AEBP2: variants seen among roughly 807,000 people sequenced by gnomAD.
AEBP2 encodes the protein zinc finger protein AEBP2.
AEBP2 carries 10 observed loss-of-function variants against 50.8 expected under a neutral mutation model. The ratio of observed to expected loss-of-function variants is 0.20; its 90% CI spans 0.12 to 0.33. The LOEUF is 0.33. AEBP2 is among the 10% of genes least tolerant of loss of function. The pLI is 1.00. For missense variants in AEBP2, 570 were observed against 688.0 expected (o/e 0.83, Z 1.92); for synonymous variants, 296 against 261.3 (o/e 1.13, Z -1.28).
chr12:19,461,874 T>A (rs1017686494), intron 1 of AEBP2, among the ~76,000 whole-genome samples: 3 of 152,182 alleles, frequency 2.0e-5, no homozygotes, highest in African/African-American at 7.2e-5. Flanking sequence ...TCTTTTTTTT[T>A]ATGGCTAGAG....
chr12:19,469,831 G>A (rs1286342340), intron 2 of AEBP2, among the ~76,000 whole-genome samples: 1 of 152,136 alleles, frequency 6.6e-6, no homozygotes, highest in East Asian at 1.9e-4. Context: ...TGGGACCCCT[G>A]TGTCTTATTC....
upstream of AEBP2, among the ~76,000 whole-genome samples, chr12:19,438,644 AAAAC>A (rs1718077474): frequency 6.6e-6 from 1 of 152,262 alleles, no homozygotes; most frequent in South Asian, 2.1e-4. Flanking sequence ...GAAAATATAA[AAAAC>A]AACCCAGATA....
In AEBP2 at chr12:19,503,674, T is replaced by TG. The variant is rs200649236; in HGVS notation, c.1299+3456dup. 5.3e-3 allele frequency among the ~76,000 whole-genome samples: 802 copies of TG among 151,828 alleles called. 5 individuals are homozygous for TG. The highest frequency in any genetic ancestry group is 0.018 in the African/African-American group (763 of 41,352). Reference sequence around the variant, plus strand: ...TAGGAATGGTGAGAGGAGACATCCTTGGGTTTTTTTTTTTTTAAACATTTA... The same window carrying TG: ...TAGGAATGGTGAGAGGAGACATCCTTGGGGTTTTTTTTTTTTTAAACATTTA... On this transcript the variant is annotated intron_variant, in intron 5 of 7. Coordinates refer to ENST00000266508, the MANE Select transcript of AEBP2 (RefSeq NM_153207.5).
intron 1 of AEBP2, among the ~76,000 whole-genome samples, chr12:19,412,405 G>C: frequency 6.6e-6 from 1 of 151,850 alleles, no homozygotes. Context: ...AGCCTCCCGA[G>C]TAGCTGGGAC....
Position 19,520,331 on chromosome 12 carries a change from A to G in AEBP2, c.*2214A>G, listed in dbSNP as rs961781484. The G allele has an allele frequency of 6.6e-6, 1 of 152,214 alleles. No individual in the cohort carries two copies. Among genetic ancestry groups the G allele is most frequent in the Non-Finnish European group, 1.5e-5 (1 of 68,018 alleles). The allele number at this position is 152,214 out of a possible 1,614,324, so 9.4% of individuals were successfully genotyped here. A position where few individuals can be genotyped will look rare whatever the true frequency, so the allele number is the denominator to read the frequency against. On this transcript the variant is annotated 3_prime_UTR_variant, in exon 8 of 8. Coordinates refer to ENST00000266508, the MANE Select transcript of AEBP2 (RefSeq NM_153207.5). ...CAGTAAATAAGTTTTTTCATTGTGTAGAAATACTTAGATGTCAAAACCAGA... is the reference window on the plus strand; with the variant it reads ...CAGTAAATAAGTTTTTTCATTGTGTGGAAATACTTAGATGTCAAAACCAGA...
At chr12:19,412,539 A>G (rs1207836157) in intron 1 of AEBP2, among the ~76,000 whole-genome samples, 1 of 152,000 alleles carries the variant, frequency 6.6e-6, no homozygotes, top group Non-Finnish European at 1.5e-5. Flanking sequence ...TGGTCTTCCA[A>G]AGTGCTGGGA....
rs780156857 is a variant in AEBP2 at position 19,519,078 on chromosome 12, A to G, written c.*961A>G. ...AGTTGGTCTTGAAAAGGAAAATAAA[A>G]TCACTTTCTTGCTTGGTAAGCAAGA... is the stretch of plus-strand genomic sequence containing the variant. On this transcript the variant is annotated 3_prime_UTR_variant, in exon 8 of 8. Coordinates refer to ENST00000266508, the MANE Select transcript of AEBP2 (RefSeq NM_153207.5). 1.9e-5 allele frequency: 3 copies of G among 156,718 alleles called. No individual in the cohort carries two copies. Among genetic ancestry groups the G allele is most frequent in the Non-Finnish European group, 2.8e-5 (2 of 70,850 alleles). The allele number at this position is 156,718 out of a possible 1,614,324, so 9.7% of individuals were successfully genotyped here.
chr12:19,416,955 T>A (rs1167658188), intron 1 of AEBP2, among the ~76,000 whole-genome samples: 1 of 151,624 alleles, frequency 6.6e-6, no homozygotes, highest in Non-Finnish European at 1.5e-5. Flanking sequence ...CCCTGCAACC[T>A]CCACCTCTCA....
intron 1 of AEBP2, among the ~76,000 whole-genome samples, chr12:19,442,109 C>G (rs1373640302): frequency 6.6e-6 from 1 of 152,056 alleles, no homozygotes; most frequent in Non-Finnish European, 1.5e-5. Flanking sequence ...TAAAATAATT[C>G]GCCTTAAATA....
rs1948108618 is a variant in AEBP2, at chr12:19,448,324, A to G, written c.671+7954A>G. ...AAGATCAGGCCGGACATGGTGGCTCACATCCGTAGTAAAAATACAAAAATT... is the reference window on the plus strand; with the variant it reads ...AAGATCAGGCCGGACATGGTGGCTCGCATCCGTAGTAAAAATACAAAAATT... On this transcript the variant is annotated intron_variant, in intron 1 of 7. Transcript: ENST00000266508. 2.0e-5 allele frequency among the ~76,000 whole-genome samples: 3 copies of G among 152,186 alleles called. No homozygotes were observed. In the East Asian group the frequency reaches 5.8e-4, roughly 29 times the overall value.
chr12:19,463,386 G>C (rs1948411174), intron 2 of AEBP2, among the ~76,000 whole-genome samples: 1 of 152,140 alleles, frequency 6.6e-6, no homozygotes, highest in Admixed American at 6.5e-5. Flanking sequence ...ACTTTACCTA[G>C]AATTTTGTTG....
At chr12:19,471,054 A>G (rs558464612) in intron 2 of AEBP2, among the ~76,000 whole-genome samples, 255 of 147,500 alleles carry the variant, frequency 1.7e-3, no homozygotes, top group African/African-American at 5.9e-3. Flanking sequence ...ATTTTAAACC[A>G]ACCCCTGATT....
chr12:19,478,964 T>C (rs1948689175), intron 3 of AEBP2, among the ~76,000 whole-genome samples: 1 of 152,164 alleles, frequency 6.6e-6, no homozygotes, highest in Non-Finnish European at 1.5e-5. Context: ...GGTCTCGCAC[T>C]TTGGGAGGCC....
chr12:19,509,310 C>G (rs1392758078), intron 5 of AEBP2: 1 of 216,930 alleles, frequency 4.6e-6, no homozygotes, highest in African/African-American at 2.3e-5. Flanking sequence ...ATTTCATCTA[C>G]TATGAATGCT....
intron 3 of AEBP2, 96 bp from the exon 4 acceptor site, chr12:19,493,704 T>A: frequency 1.7e-6 from 2 of 1,192,462 alleles, no homozygotes; most frequent in Non-Finnish European, 2.3e-6. Context: ...TTGTACTACT[T>A]ATTTACTTCC....
rs769850890 is a variant in AEBP2, at chr12:19,439,822, A to AGAG, written c.135_137dup (p.Glu48dup). The AGAG allele has an allele frequency of 6.0e-6, 9 of 1,503,150 alleles. No homozygotes were observed. The Admixed American group carries it at 1.7e-4, about 28-fold the overall frequency. 93.1% of individuals were successfully genotyped at this position (1,503,150 alleles called of 1,614,324 possible). On this transcript the variant is annotated inframe_insertion, in exon 1 of 8. Coordinates refer to ENST00000266508, the MANE Select transcript of AEBP2 (RefSeq NM_153207.5). Reference sequence around the variant, plus strand: ...CTGAGCCCCCCGAGGAGGAGGAGGAAGAGGAGGAGGAGGAAGAGGAGGCGG... The same window carrying AGAG: ...CTGAGCCCCCCGAGGAGGAGGAGGAAGAGGAGGAGGAGGAGGAAGAGGAGGCGG...
rs551364854 is a variant in AEBP2, at chr12:19,440,041, C to T, written c.342C>T (p.Gly114=). The change falls in exon 1 of 8, where the codon GGC becomes GGT. Residue 114 remains glycine, a synonymous_variant. Transcript: ENST00000266508. Reference sequence around the variant, plus strand: ...AGGAAGATGAGAGCAGCAGCAGCGGCGGGGGTGAGGAGGAGAGTAGCGCCG... The same window carrying T: ...AGGAAGATGAGAGCAGCAGCAGCGGTGGGGGTGAGGAGGAGAGTAGCGCCG... The part of the protein sequence containing the change: ...EEEEDESSSS[G]GGEEESSAES... The T allele has an allele frequency of 2.0e-6, 3 of 1,522,178 alleles. No individual in the cohort carries two copies. The South Asian group carries it at 3.6e-5, about 18-fold the overall frequency. The allele number at this position is 1,522,178 out of a possible 1,614,324, so 94.3% of individuals were successfully genotyped here.
chr12:19,514,859 A>G, intron 7 of AEBP2, 75 bp downstream of exon 7: 1 of 1,156,770 alleles, frequency 8.6e-7, no homozygotes, highest in African/African-American at 1.6e-5. Context: ...ATAAATTAGG[A>G]CTTAGTTTTA....
chr12:19,431,474 C>T (rs1268424911), intron 1 of AEBP2, among the ~76,000 whole-genome samples: 1 of 152,118 alleles, frequency 6.6e-6, no homozygotes, highest in Non-Finnish European at 1.5e-5. Flanking sequence ...AATGTGGCAG[C>T]TATGCTATTC....
Sources: gnomAD v4.1 joint callset for allele counts (sites outside exome capture counted in the v4.1 genomes callset) on GRCh38, gnomAD v4.1.1 for gene constraint, MANE v1.5 for transcripts, NCBI Gene and HGNC (gene_info 2026-07-23, HGNC 2026-07-21) for gene names.